Variants in FANCE observed in about 807,000 individuals in gnomAD.
FANCE encodes Fanconi anemia group E protein.
In FANCE, 42 loss-of-function variants were observed where a neutral mutation model predicts 57.8. That is an observed-to-expected ratio of 0.73 (90% confidence interval 0.57 to 0.94). The LOEUF is 0.94. Ranked by LOEUF, FANCE falls within the 40% of genes least tolerant of loss-of-function variation. The pLI, the probability that FANCE is intolerant of heterozygous loss-of-function variation, is 0.00. For synonymous variants in FANCE, 251 were observed against 286.4 expected (o/e 0.88, Z 1.25); for missense variants, 608 against 661.8 (o/e 0.92, Z 0.89).
rs142737128 is a variant in FANCE at position 35,456,183 on chromosome 6, C to G, written c.685C>G (p.His229Asp). The G allele has an allele frequency of 1.2e-6, 2 of 1,614,142 alleles. No individual in the cohort carries two copies. The highest frequency in any genetic ancestry group is 1.7e-6 in the Non-Finnish European group (2 of 1,180,020). Residue 229 changes from histidine (H) to aspartate (D), a missense_variant, in exon 2 of 10, where the codon CAT (histidine) becomes GAT (aspartate). His to Asp is a moderately conservative substitution (Grantham distance 81). Coordinates refer to ENST00000229769, the MANE Select transcript of FANCE (RefSeq NM_021922.3). The surrounding 1 kb of genome is among the most constrained non-coding windows in gnomAD (Gnocchi z 4.3). ...RLRCWEEEED[H>D]EKERPEHKSL... Reference sequence around the variant, plus strand: ...ACGGTGTTGGGAAGAGGAAGAAGATCATGAGAAGGAGAGACCCGAACATAA... The same window carrying G: ...ACGGTGTTGGGAAGAGGAAGAAGATGATGAGAAGGAGAGACCCGAACATAA...
In FANCE at chr6:35,458,440, G is replaced by A. The variant is rs762747463; in HGVS notation, c.1113G>A (p.Arg371=). 6.2e-7 allele frequency: 1 copy of A among 1,614,064 alleles called. No individual in the cohort carries two copies. Among genetic ancestry groups the A allele is most frequent in the Non-Finnish European group, 8.5e-7 (1 of 1,179,998 alleles). ...TVLTRSLFLG[R]ILSLTSSASR... is the part of the protein sequence containing the mutation. ...TGACCAGAAGCCTCTTTCTTGGACG[G>A]GTAGGTGTATTGGGAGGTACTCAGA... is the stretch of plus-strand genomic sequence containing the variant. The change falls in exon 5 of 10, where the codon CGG becomes CGA. Residue 371 remains arginine (R), a splice_region_variant and synonymous_variant. Coordinates refer to ENST00000229769, the MANE Select transcript of FANCE (RefSeq NM_021922.3).
Position 35,452,338 on chromosome 6 carries a change from C to T in FANCE, c.-208C>T, listed in dbSNP as rs957275298. 2.3e-5 allele frequency: 10 copies of T among 442,880 alleles called. No individual in the cohort carries two copies. In the East Asian group the frequency reaches 4.1e-4, roughly 18 times the overall value. The allele number at this position is 442,880 out of a possible 1,614,324, so 27.4% of individuals were successfully genotyped here. A position where few individuals can be genotyped will look rare whatever the true frequency, so the allele number is the denominator to read the frequency against. On this transcript the variant is annotated 5_prime_UTR_variant, in exon 1 of 10. Transcript: ENST00000229769. Reference sequence around the variant, plus strand: ...GCTCCGCCCCCGGCCGCGCCTCCCTCCTTCCCTTTCCGACAGCGCGGGAAC... The same window carrying T: ...GCTCCGCCCCCGGCCGCGCCTCCCTTCTTCCCTTTCCGACAGCGCGGGAAC...
At position 35,455,933 on chromosome 6, in the gene FANCE, G is replaced by T; in HGVS notation, c.435G>T (p.Gly145=). 1 of 1,614,104 alleles carries T rather than the reference G, an allele frequency of 6.2e-7. No homozygotes were observed. The highest frequency in any genetic ancestry group is 8.5e-7 in the Non-Finnish European group (1 of 1,180,018). Residue 145 remains glycine (G), a synonymous_variant, in exon 2 of 10, where the codon GGG becomes GGT. Coordinates refer to ENST00000229769, the MANE Select transcript of FANCE (RefSeq NM_021922.3). ...GGGAATTGCTGCGAAGGGATTTGGG[G>T]GTGGGGACCTCCATGGAGGGAGCTT... ...ALGELLRRDL[G]VGTSMEGASP...
Position 35,457,748 on chromosome 6 carries a change from G to GCTT in FANCE, c.900+149_900+151dup, listed in dbSNP as rs897623927. On this transcript the variant is annotated intron_variant, in intron 3 of 9. Coordinates refer to ENST00000229769, the MANE Select transcript of FANCE (RefSeq NM_021922.3). The stretch of plus-strand genomic sequence containing the variant: ...AGGTCTGAGGACAGTCTCTGAAGGA[G>GCTT]CTTTTCTTGAACCAAGTGTAGACTT... 3.0e-5 allele frequency: 33 copies of GCTT among 1,115,032 alleles called. No homozygotes were observed. The South Asian group carries it at 3.2e-4, about 11-fold the overall frequency. 69.1% of individuals were successfully genotyped at this position (1,115,032 alleles called of 1,614,324 possible).
intron 1 of FANCE, among the ~76,000 whole-genome samples, chr6:35,454,910 T>A (rs1767264438): frequency 6.6e-6 from 1 of 152,236 alleles, no homozygotes; most frequent in Non-Finnish European, 1.5e-5. Context: ...AACAAGTGCC[T>A]GCTCTGGGCT....
At chr6:35,463,114 C>T (rs1442071096) in intron 9 of FANCE, among the ~76,000 whole-genome samples, 200 bp downstream of exon 9, 2 of 152,118 alleles carry the variant, frequency 1.3e-5, no homozygotes, top group African/African-American at 4.8e-5. Context: ...GCCTGGCCAA[C>T]ATGGTAAAAC....
intron 4 of FANCE, 152 bp from the exon 5 acceptor site, chr6:35,458,145 C>T (rs1767423739): frequency 2.4e-6 from 3 of 1,269,750 alleles, no homozygotes; most frequent in Non-Finnish European, 3.4e-6. Context: ...TCTTTTAGCC[C>T]TTGGTTCCTT....
In FANCE at chr6:35,460,553, C is replaced by G; in HGVS notation, c.1318C>G (p.Gln440Glu). 1 of 1,614,062 alleles carries G rather than the reference C, an allele frequency of 6.2e-7. No homozygotes were observed. Among genetic ancestry groups the G allele is most frequent in the Non-Finnish European group, 8.5e-7 (1 of 1,179,964 alleles). ...TTCACTAGGGCCTCTGCTTTGCAGA[C>G]AGATCTTGGAGCTGCCCTGGAAGGA... ...EPDAQVLMLGQILELPWKEET... is the reference protein window; with the variant it reads ...EPDAQVLMLGEILELPWKEET... The change falls in exon 8 of 10, where the codon CAG becomes GAG. Residue 440 changes from glutamine (Q) to glutamate (E), a missense_variant and splice_region_variant. By Grantham distance (29) the Gln-to-Glu change is conservative (BLOSUM62 2). Coordinates refer to ENST00000229769, the MANE Select transcript of FANCE (RefSeq NM_021922.3).
At position 35,455,779 on chromosome 6, in the gene FANCE, G is replaced by A; in HGVS notation, c.281G>A (p.Cys94Tyr). 6.2e-7 allele frequency: 1 copy of A among 1,614,116 alleles called. No individual in the cohort carries two copies. The highest frequency in any genetic ancestry group is 1.3e-5 in the African/African-American group (1 of 75,032). Residue 94 changes from cysteine (C) to tyrosine (Y), a missense_variant, in exon 2 of 10, where the codon TGC becomes TAC. Coordinates refer to ENST00000229769, the MANE Select transcript of FANCE (RefSeq NM_021922.3). Reference sequence around the variant, plus strand: ...CTGTTGCTGCGATTGCCCCGGATATGCCAGAGGAACCTGATGTCCCTGCTG... The same window carrying A: ...CTGTTGCTGCGATTGCCCCGGATATACCAGAGGAACCTGATGTCCCTGCTG... ...KPLLLRLPRI[C>Y]QRNLMSLLMA...
Position 35,452,492 on chromosome 6 carries a change from C to T in FANCE, c.-54C>T. On this transcript the variant is annotated 5_prime_UTR_variant, in exon 1 of 10. Transcript: ENST00000229769. The stretch of plus-strand genomic sequence containing the variant: ...TGGAGTCCTCCGTTCCCCTCAGCCT[C>T]TGAGCTGAGGCCCCACACCAGAGTA... The T allele has an allele frequency of 1.6e-6, 2 of 1,227,594 alleles. No individual in the cohort carries two copies. 76.0% of individuals were successfully genotyped at this position (1,227,594 alleles called of 1,614,324 possible).
At chr6:35,453,446 C>T (rs1767194076) in intron 1 of FANCE, among the ~76,000 whole-genome samples, 1 of 151,724 alleles carries the variant, frequency 6.6e-6, no homozygotes, top group Admixed American at 6.6e-5. Flanking sequence ...TTTTAAGCCA[C>T]GTGCTTATTT....
chr6:35,458,457 G>A lies in FANCE; in HGVS notation c.1113+17G>A, dbSNP rs1219420129. 2.5e-6 allele frequency: 4 copies of A among 1,613,878 alleles called. No homozygotes were observed. The South Asian group carries it at 4.4e-5, about 18-fold the overall frequency. On this transcript the variant is annotated intron_variant, in intron 5 of 9. Transcript: ENST00000229769. The stretch of plus-strand genomic sequence containing the variant: ...CTTGGACGGGTAGGTGTATTGGGAG[G>A]TACTCAGAGTGCCAAGGACAATGGG...
At position 35,456,472 on chromosome 6, in the gene FANCE, A is replaced by G; in HGVS notation, c.855+119A>G. ...AGTTGACTGTAGTTCCTGGAGGAAG[A>G]AGGAGGAAGGTAGGGTTGAGGGAAT... On this transcript the variant is annotated intron_variant, in intron 2 of 9. Transcript: ENST00000229769. The surrounding 1 kb of genome is among the most constrained non-coding windows in gnomAD (Gnocchi z 4.3). 2 of 1,330,112 alleles carry G rather than the reference A, an allele frequency of 1.5e-6. No homozygotes were observed. Among genetic ancestry groups the G allele is most frequent in the South Asian group, 1.2e-5 (1 of 84,848 alleles). The allele number at this position is 1,330,112 out of a possible 1,614,324, so 82.4% of individuals were successfully genotyped here.
chr6:35,456,482 G>A lies in FANCE; in HGVS notation c.855+129G>A. 1 of 1,237,606 alleles carries A rather than the reference G, an allele frequency of 8.1e-7. No homozygotes were observed. Among genetic ancestry groups the A allele is most frequent in the Non-Finnish European group, 1.2e-6 (1 of 843,944 alleles). The allele number at this position is 1,237,606 out of a possible 1,614,324, so 76.7% of individuals were successfully genotyped here. A position where few individuals can be genotyped will look rare whatever the true frequency, so the allele number is the denominator to read the frequency against. ...AGTTCCTGGAGGAAGAAGGAGGAAG[G>A]TAGGGTTGAGGGAATGTAGCCTCCA... On this transcript the variant is annotated intron_variant, in intron 2 of 9. Coordinates refer to ENST00000229769, the MANE Select transcript of FANCE (RefSeq NM_021922.3). The surrounding 1 kb of genome is among the most constrained non-coding windows in gnomAD (Gnocchi z 4.3).
intron 5 of FANCE, among the ~76,000 whole-genome samples, 167 bp downstream of exon 5, chr6:35,458,607 A>AC (rs1471606246): frequency 1.3e-5 from 2 of 148,228 alleles, no homozygotes; most frequent in South Asian, 2.2e-4. Flanking sequence ...CAGGGCATGG[A>AC]CCCCCAGGCC....
intron 7 of FANCE, 90 bp from the exon 8 acceptor site, chr6:35,460,462 C>T: frequency 2.3e-6 from 3 of 1,324,342 alleles, no homozygotes; most frequent in Non-Finnish European, 3.3e-6. Context: ...TCCCCAGGGC[C>T]TTGCCCTGCT....
At chr6:35,459,993 C>A (rs1357465033) in intron 7 of FANCE, among the ~76,000 whole-genome samples, 1 of 152,034 alleles carries the variant, frequency 6.6e-6, no homozygotes, top group African/African-American at 2.4e-5. Flanking sequence ...CTACCAAATA[C>A]TTTGTTGTCA....
chr6:35,452,422 A>C lies in FANCE; in HGVS notation c.-124A>C. 9.7e-7 allele frequency: 1 copy of C among 1,031,194 alleles called. No homozygotes were observed. The highest frequency in any genetic ancestry group is 1.2e-6 in the Non-Finnish European group (1 of 814,572). The allele number at this position is 1,031,194 out of a possible 1,614,324, so 63.9% of individuals were successfully genotyped here. On this transcript the variant is annotated 5_prime_UTR_variant, in exon 1 of 10. Coordinates refer to ENST00000229769, the MANE Select transcript of FANCE (RefSeq NM_021922.3). ...CTCCCAACGCCGAGGAGAGCTTGTA[A>C]CAGGCGCTGGAGCTGGCCCGCCACC...
rs45509302 is a variant in FANCE at position 35,455,978 on chromosome 6, C to T, written c.480C>T (p.Cys160=). 1.9e-6 allele frequency: 3 copies of T among 1,613,310 alleles called. No homozygotes were observed. The Admixed American group carries it at 5.0e-5, about 27-fold the overall frequency. The change falls in exon 2 of 10, where the codon TGC becomes TGT. Residue 160 remains cysteine, a synonymous_variant. Transcript: ENST00000229769. The part of the protein sequence containing the change: ...MEGASPLSER[C]QRQLQSLCRG... ...GAGCTTCTCCACTGTCTGAAAGATG[C>T]CAGAGACAGCTCCAAAGTCTATGTA... is the stretch of plus-strand genomic sequence containing the variant.
Sources: gnomAD v4.1 joint callset for allele counts (sites outside exome capture counted in the v4.1 genomes callset) on GRCh38, gnomAD v4.1.1 for gene constraint, Gnocchi (gnomAD v3.1) non-coding constraint, MANE v1.5 for transcripts, NCBI Gene and HGNC (gene_info 2026-07-23, HGNC 2026-07-21) for gene names.